Variants in CSMD1 observed in about 807,000 individuals in gnomAD.
CSMD1 encodes CUB and Sushi multiple domains 1.
CSMD1 carries 213 observed loss-of-function variants against 417.5 expected under a neutral mutation model. That is an observed-to-expected ratio of 0.51 (90% CI 0.46 to 0.57). CSMD1 has a LOEUF of 0.57. Ranked by LOEUF, CSMD1 falls within the 20% of genes least tolerant of loss-of-function variation. The probability of loss-of-function intolerance (pLI) is 0.00; values close to 1 mark genes in which losing one functional copy is unlikely to be tolerated. For synonymous variants in CSMD1, 2,862 were observed against 1,736.8 expected, an observed-to-expected ratio of 1.65 and a Z score of -16.11; for missense variants, 6,923 against 4,529.7, an observed-to-expected ratio of 1.53 and a Z score of -15.17.
At chr8:4,247,734 G>T (rs903422994) in intron 3 of CSMD1, among the ~76,000 whole-genome samples, 1 of 152,122 alleles carries the variant, frequency 6.6e-6, no homozygotes, top group African/African-American at 2.4e-5. Context: ...TTTTGAAAAT[G>T]TATCATCAAC....
chr8:2,946,676 A>G (rs1464215152), intron 68 of CSMD1, among the ~76,000 whole-genome samples: 1 of 152,198 alleles, frequency 6.6e-6, no homozygotes, highest in Non-Finnish European at 1.5e-5. Context: ...CATTTGGGTT[A>G]TTATAAATAA....
intron 2 of CSMD1, among the ~76,000 whole-genome samples, chr8:4,524,569 C>CTTTTTTT (rs35453060): frequency 7.6e-5 from 9 of 117,896 alleles, no homozygotes; most frequent in South Asian, 5.5e-4. Flanking sequence ...CACACTTGGT[C>CTTTTTTT]TTTTTTTTTT....
intron 37 of CSMD1, among the ~76,000 whole-genome samples, chr8:3,168,232 T>G (rs187147664): frequency 6.6e-6 from 1 of 152,102 alleles, no homozygotes; most frequent in Non-Finnish European, 1.5e-5. Context: ...AGGTAGACCA[T>G]GAACACTATG....
chr8:4,267,958 G>C (rs534904400), intron 3 of CSMD1, among the ~76,000 whole-genome samples: 3 of 152,022 alleles, frequency 2.0e-5, no homozygotes, highest in East Asian at 3.9e-4. Context: ...CTACATTTTT[G>C]GATCTATTTT....
chr8:4,461,649 C>T (rs908835790), intron 2 of CSMD1, among the ~76,000 whole-genome samples: 9 of 151,562 alleles, frequency 5.9e-5, no homozygotes, highest in Admixed American at 2.0e-4. Flanking sequence ...CTCCTGGGCT[C>T]AAGCAATCCT....
intron 51 of CSMD1, among the ~76,000 whole-genome samples, chr8:3,025,364 G>A (rs1255212458): frequency 6.6e-6 from 1 of 150,468 alleles, no homozygotes; most frequent in African/African-American, 2.5e-5. Context: ...GTATTGTGTG[G>A]TGTTATTCTG....
chr8:3,286,154 A>G (rs1803139680), intron 25 of CSMD1, among the ~76,000 whole-genome samples: 1 of 152,072 alleles, frequency 6.6e-6, no homozygotes, highest in African/African-American at 2.4e-5. Context: ...AAGGACATGA[A>G]CTCATACTTC....
intron 3 of CSMD1, among the ~76,000 whole-genome samples, chr8:4,286,402 T>C (rs1035268783): frequency 6.6e-6 from 1 of 152,154 alleles, no homozygotes; most frequent in Non-Finnish European, 1.5e-5. Context: ...AGGGCTTCAG[T>C]TAACATGAGA....
At chr8:3,345,394 A>G (rs1019317575) in intron 22 of CSMD1, among the ~76,000 whole-genome samples, 4 of 152,162 alleles carry the variant, frequency 2.6e-5, no homozygotes, top group African/African-American at 9.7e-5. Flanking sequence ...CCAACCACCG[A>G]AACCCCAGAG....
intron 1 of CSMD1, among the ~76,000 whole-genome samples, chr8:4,916,121 G>C (rs895280018): frequency 1.7e-4 from 26 of 152,226 alleles, no homozygotes; most frequent in Non-Finnish European, 2.9e-5. Flanking sequence ...GCAGGAGTCT[G>C]ATGAAGTCAG....
intron 3 of CSMD1, among the ~76,000 whole-genome samples, chr8:4,299,164 A>G (rs1288321158): frequency 1.3e-5 from 2 of 152,186 alleles, no homozygotes; most frequent in Non-Finnish European, 2.9e-5. Context: ...TTCTTCAAAA[A>G]AGAAACGTTG....
intron 12 of CSMD1, among the ~76,000 whole-genome samples, chr8:3,424,944 T>G (rs896880927): frequency 6.6e-6 from 1 of 152,192 alleles, no homozygotes; most frequent in African/African-American, 2.4e-5. Flanking sequence ...AAGTGATCTT[T>G]CGACCTCAGC....
intron 3 of CSMD1, among the ~76,000 whole-genome samples, chr8:4,062,276 C>G (rs1411160052): frequency 1.3e-5 from 2 of 151,980 alleles, no homozygotes; most frequent in East Asian, 1.9e-4. Context: ...GCAATAAAAC[C>G]AAAGTTGGCA....
At chr8:3,450,159 G>C (rs952805373) in intron 12 of CSMD1, among the ~76,000 whole-genome samples, 1 of 152,154 alleles carries the variant, frequency 6.6e-6, no homozygotes, top group Non-Finnish European at 1.5e-5. Context: ...CGTTGACTGT[G>C]GGTCTCTTAC....
chr8:3,216,835 T>G (rs1797909651), intron 29 of CSMD1, among the ~76,000 whole-genome samples: 1 of 152,260 alleles, frequency 6.6e-6, no homozygotes, highest in Admixed American at 6.5e-5. Context: ...CTGCCTGGTG[T>G]TCCTTCTATT....
At chr8:4,320,259 C>G (rs947992470) in intron 3 of CSMD1, among the ~76,000 whole-genome samples, 1 of 152,242 alleles carries the variant, frequency 6.6e-6, no homozygotes, top group East Asian at 1.9e-4. Context: ...GAAAATAAGA[C>G]CCACAACAAG....
intron 4 of CSMD1, among the ~76,000 whole-genome samples, chr8:4,025,756 TG>T (rs1423640064): frequency 6.6e-6 from 1 of 152,180 alleles, no homozygotes; most frequent in Non-Finnish European, 1.5e-5. Flanking sequence ...GTCAATGTGA[TG>T]TTTGTTCCCT....
chr8:4,477,617 G>C (rs1028760987), intron 2 of CSMD1, among the ~76,000 whole-genome samples: 1 of 152,136 alleles, frequency 6.6e-6, no homozygotes, highest in Non-Finnish European at 1.5e-5. Flanking sequence ...CTTCTGCACA[G>C]AGAAAGGCAC....
At chr8:3,069,411 G>C (rs1421769592) in intron 49 of CSMD1, among the ~76,000 whole-genome samples, 1 of 151,808 alleles carries the variant, frequency 6.6e-6, no homozygotes, top group Non-Finnish European at 1.5e-5. Flanking sequence ...CACCAGCATG[G>C]GTGACAGAGT....
Sources: allele counts gnomAD v4.1 joint callset (sites outside exome capture counted in the v4.1 genomes callset), GRCh38; gene constraint gnomAD v4.1.1; transcripts MANE v1.5; gene names NCBI Gene and HGNC (gene_info 2026-07-23, HGNC 2026-07-21).